GALNT18: variants seen among roughly 807,000 people sequenced by gnomAD.
The protein encoded by GALNT18 is GalNAc-transferase 18.
A neutral mutation model predicts 69.5 loss-of-function variants in GALNT18; 44 were observed. That is an observed-to-expected ratio of 0.63 (90% confidence interval 0.50 to 0.81). The LOEUF is 0.81. Ranked by LOEUF, GALNT18 falls within the 40% of genes least tolerant of loss-of-function variation. The pLI is 0.00. For synonymous variants in GALNT18, 364 were observed against 318.2 expected, an observed-to-expected ratio of 1.14 and a Z score of -1.53; for missense variants, 715 against 810.0, an observed-to-expected ratio of 0.88 and a Z score of 1.42.
chr11:11,352,318 G>C, intron 6 of GALNT18: 1 of 1,614,042 alleles, frequency 6.2e-7, no homozygotes, highest in Non-Finnish European at 8.5e-7. Context: ...TCATTGAAAC[G>C]TGGATCTAAT....
intron 1 of GALNT18, among the ~76,000 whole-genome samples, chr11:11,593,203 C>A (rs1200042654): frequency 6.6e-6 from 1 of 152,226 alleles, no homozygotes; most frequent in Non-Finnish European, 1.5e-5. Flanking sequence ...AATGCAGCTC[C>A]CTTTAGGCAA....
At chr11:11,398,822 A>C (rs7950646) in intron 3 of GALNT18, among the ~76,000 whole-genome samples, 64,853 of 152,130 alleles carry the variant, frequency 0.43, 15,504 homozygotes, top group Non-Finnish European at 0.54. Context: ...AGATTTCTTA[A>C]GAGTGGAAGA....
At chr11:11,424,723 A>C (rs1459121122) in intron 3 of GALNT18, among the ~76,000 whole-genome samples, 1 of 152,146 alleles carries the variant, frequency 6.6e-6, no homozygotes, top group East Asian at 1.9e-4. Flanking sequence ...GCGTGGGAGC[A>C]CTGAGGCCAA....
rs184326747 is a variant in GALNT18, at chr11:11,404,545, C to T, written c.596-25281G>A. Among the ~76,000 whole-genome samples the T allele has an allele frequency of 1.3e-5, 2 of 152,254 alleles. No individual in the cohort carries two copies. Among genetic ancestry groups the T allele is most frequent in the East Asian group, 3.9e-4 (2 of 5,168 alleles). Reference sequence around the variant, plus strand: ...CATGTTATAGAAGTAAGGAGAGTCACGTGGGAGGAAAATGTCTGAGTGTAT... The same window carrying T: ...CATGTTATAGAAGTAAGGAGAGTCATGTGGGAGGAAAATGTCTGAGTGTAT... On this transcript the variant is annotated intron_variant, in intron 3 of 10. Transcript: ENST00000227756. The surrounding 1 kb of genome is among the most constrained non-coding windows in gnomAD (Gnocchi z 4.5).
At chr11:11,384,584 A>G (rs1854004558) in intron 3 of GALNT18, among the ~76,000 whole-genome samples, 1 of 152,170 alleles carries the variant, frequency 6.6e-6, no homozygotes, top group African/African-American at 2.4e-5. Flanking sequence ...TTGCAGGGGA[A>G]ATACTCAAAC....
intron 6 of GALNT18, among the ~76,000 whole-genome samples, chr11:11,360,859 AT>A (rs2133079702): frequency 6.6e-6 from 1 of 152,284 alleles, no homozygotes; most frequent in African/African-American, 2.4e-5. Context: ...AATTGTTTGC[AT>A]TTTTTGATTT....
At chr11:11,412,333 C>T (rs187253440) in intron 3 of GALNT18, among the ~76,000 whole-genome samples, 11 of 152,192 alleles carry the variant, frequency 7.2e-5, no homozygotes, top group African/African-American at 2.4e-4. Context: ...AGAGATGGAA[C>T]CTTACCCTTG....
chr11:11,587,582 TACA>T lies in GALNT18; in HGVS notation c.235+33774_235+33776del, dbSNP rs2133921113. The stretch of plus-strand genomic sequence containing the variant: ...CAGTAGTCAAGCACGGAAAATACCC[TACA>T]ACAGAAAAGCTGAAGTTGATGTTTT... On this transcript the variant is annotated intron_variant, in intron 1 of 10. Transcript: ENST00000227756. This position sits in a 1 kb window ranked among gnomAD's most constrained non-coding sequence, Gnocchi z 4.4. Among the ~76,000 whole-genome samples, 1 of 152,312 alleles carries T rather than the reference TACA, an allele frequency of 6.6e-6. No individual in the cohort carries two copies. The highest frequency in any genetic ancestry group is 2.1e-4 in the South Asian group (1 of 4,818).
chr11:11,544,050 C>T (rs1375592710), intron 1 of GALNT18, among the ~76,000 whole-genome samples: 1 of 152,194 alleles, frequency 6.6e-6, no homozygotes, highest in African/African-American at 2.4e-5. Flanking sequence ...CACTGAAGGT[C>T]CCCAGGCTGT....
chr11:11,445,996 G>T (rs1855641780), intron 2 of GALNT18, among the ~76,000 whole-genome samples: 1 of 152,170 alleles, frequency 6.6e-6, no homozygotes, highest in Admixed American at 6.5e-5. Flanking sequence ...CTCAGTCAAA[G>T]ATCAAGGGCT....
At chr11:11,352,710 A>G (rs1334283177) in intron 6 of GALNT18, 2 of 1,614,140 alleles carry the variant, frequency 1.2e-6, no homozygotes, top group Admixed American at 1.7e-5. Context: ...AATCTCATAC[A>G]TGTAAAATCG....
At chr11:11,442,947 T>C (rs1016425321) in intron 2 of GALNT18, among the ~76,000 whole-genome samples, 3 of 152,134 alleles carry the variant, frequency 2.0e-5, no homozygotes, top group Non-Finnish European at 4.4e-5. Context: ...AGGCAGTGCG[T>C]GCCAGAGGCT....
chr11:11,615,918 A>T (rs934761068), intron 1 of GALNT18, among the ~76,000 whole-genome samples: 1 of 152,248 alleles, frequency 6.6e-6, no homozygotes, highest in African/African-American at 2.4e-5. Context: ...GTAACATATA[A>T]TACAGGCAAA....
intron 10 of GALNT18, among the ~76,000 whole-genome samples, chr11:11,286,537 T>C (rs17348788): frequency 0.19 from 28,664 of 152,128 alleles, 2,815 homozygotes; most frequent in South Asian, 0.25. Context: ...AGGACGGTCA[T>C]TGAGGTAGGA....
chr11:11,377,226 G>A lies in GALNT18; in HGVS notation c.933C>T (p.Pro311=). 6.2e-7 allele frequency: 1 copy of A among 1,613,694 alleles called. No homozygotes were observed. Among genetic ancestry groups the A allele is most frequent in the Non-Finnish European group, 8.5e-7 (1 of 1,180,022 alleles). ...DWELWCRYLN[P]PKAWWKLENS... is the part of the protein sequence containing the mutation. The stretch of plus-strand genomic sequence containing the variant: ...TCTCCAGCTTCCACCAGGCCTTGGG[G>A]GGATTTAGGTAGCGGCACCACAGCT... Residue 311 remains proline, a synonymous_variant, in exon 5 of 11, where the codon CCC becomes CCT. Transcript: ENST00000227756. The surrounding 1 kb of genome is among the most constrained non-coding windows in gnomAD (Gnocchi z 4.6).
chr11:11,271,671 A>T (rs536726448), intron 10 of GALNT18, among the ~76,000 whole-genome samples: 1 of 150,862 alleles, frequency 6.6e-6, no homozygotes, highest in South Asian at 2.1e-4. Flanking sequence ...GCATTTGAGC[A>T]TCACCAGAGG....
Position 11,621,667 on chromosome 11 carries a change from CA to C in GALNT18, c.-75del. The C allele has an allele frequency of 9.0e-7, 1 of 1,114,252 alleles. No homozygotes were observed. Among genetic ancestry groups the C allele is most frequent in the Non-Finnish European group, 1.3e-6 (1 of 767,306 alleles). The allele number at this position is 1,114,252 out of a possible 1,614,324, so 69.0% of individuals were successfully genotyped here. On this transcript the variant is annotated 5_prime_UTR_variant, in exon 1 of 11. Coordinates refer to ENST00000227756, the MANE Select transcript of GALNT18 (RefSeq NM_198516.3). This position sits in a 1 kb window ranked among gnomAD's most constrained non-coding sequence, Gnocchi z 9.3. The stretch of plus-strand genomic sequence containing the variant: ...TGCGCCCCGAACTCCCCCGCGCTCG[CA>C]CCCCGTAGCACGTCCGGAGCCGCTG...
intron 3 of GALNT18, among the ~76,000 whole-genome samples, chr11:11,379,702 T>C (rs966564164): frequency 2.6e-5 from 4 of 152,192 alleles, no homozygotes; most frequent in African/African-American, 9.6e-5. Context: ...CCATCGGTGC[T>C]CCTATAACCC....
intron 1 of GALNT18, among the ~76,000 whole-genome samples, chr11:11,482,035 G>A (rs185453314): frequency 2.8e-4 from 42 of 152,262 alleles, no homozygotes; most frequent in Admixed American, 1.5e-3. Context: ...TATGATTGCC[G>A]TCATCCTTGT....
Sources: allele counts gnomAD v4.1 joint callset (sites outside exome capture counted in the v4.1 genomes callset), GRCh38; gene constraint gnomAD v4.1.1; non-coding constraint Gnocchi (gnomAD v3.1); transcripts MANE v1.5; gene names NCBI Gene and HGNC (gene_info 2026-07-23, HGNC 2026-07-21).